The following MIS18BP1 variants were observed in gnomAD, a reference collection of about 807,000 sequenced individuals.
The protein encoded by MIS18BP1 is mis18-binding protein 1.
A neutral mutation model predicts 116.1 loss-of-function variants in MIS18BP1; 72 were observed. The ratio of observed to expected loss-of-function variants is 0.62; its 90% confidence interval spans 0.51 to 0.75. MIS18BP1 has a LOEUF of 0.75. Ranked by LOEUF, MIS18BP1 falls within the 30% of genes least tolerant of loss-of-function variation. The pLI is 0.00. For synonymous variants in MIS18BP1, 386 were observed against 427.0 expected (o/e 0.90, Z 1.18); for missense variants, 1,363 against 1,303.2 (o/e 1.05, Z -0.71).
rs780140735 is a variant in MIS18BP1 at position 45,224,719 on chromosome 14, A to G, written c.1868T>C (p.Ile623Thr). ...CTGTTCCCTTGAGGTTAGAATATCA[A>G]TGGATACATCCAATTCTTCAGTTGT... ...QETTEELDVS[I>T]DILTSREQFF... The change falls in exon 11 of 17, where the codon ATT (isoleucine) becomes ACT (threonine). Residue 623 changes from isoleucine to threonine, a missense_variant. Ile to Thr is a moderately conservative substitution (Grantham distance 89, BLOSUM62 -1). Coordinates refer to ENST00000310806, the MANE Select transcript of MIS18BP1 (RefSeq NM_018353.5). 7.5e-6 allele frequency: 12 copies of G among 1,593,292 alleles called. No individual in the cohort carries two copies. In the Admixed American group the frequency reaches 1.1e-4, roughly 15 times the overall value.
chr14:45,223,100 A>AC (rs1891018591), intron 11 of MIS18BP1, among the ~76,000 whole-genome samples: 1 of 152,032 alleles, frequency 6.6e-6, no homozygotes, highest in Non-Finnish European at 1.5e-5. Context: ...ACAAAACAAA[A>AC]ACAAACCAAA....
chr14:45,245,457 C>T (rs1218549067), intron 2 of MIS18BP1, among the ~76,000 whole-genome samples: 3 of 151,988 alleles, frequency 2.0e-5, no homozygotes, highest in Non-Finnish European at 4.4e-5. Flanking sequence ...CTCTGCCTCC[C>T]GGGTTCAAGC....
chr14:45,206,808 G>A (rs1890531403), intron 14 of MIS18BP1, among the ~76,000 whole-genome samples: 1 of 152,070 alleles, frequency 6.6e-6, no homozygotes, highest in African/African-American at 2.4e-5. Context: ...CTCCCACTGA[G>A]ACTTCTTCTC....
At position 45,209,181 on chromosome 14, in the gene MIS18BP1, C is replaced by T. The variant is rs539767047; in HGVS notation, c.3152+1199G>A. Among the ~76,000 whole-genome samples, 3 of 152,212 alleles carry T rather than the reference C, an allele frequency of 2.0e-5. No homozygotes were observed. In the South Asian group the frequency reaches 6.2e-4, roughly 32 times the overall value. On this transcript the variant is annotated intron_variant, in intron 14 of 16. Coordinates refer to ENST00000310806, the MANE Select transcript of MIS18BP1 (RefSeq NM_018353.5). ...TCTAATAAAAGCAATTATACACACA[C>T]ACACACACACAAGTATATACATATA...
chr14:45,245,296 A>G (rs1247774818), intron 2 of MIS18BP1, among the ~76,000 whole-genome samples: 4 of 151,940 alleles, frequency 2.6e-5, no homozygotes, highest in Non-Finnish European at 5.9e-5. Context: ...CTTGGCTTTC[A>G]CAGTATCACT....
At chr14:45,214,663 A>G (rs1474784288) in intron 13 of MIS18BP1, among the ~76,000 whole-genome samples, 2 of 152,202 alleles carry the variant, frequency 1.3e-5, no homozygotes, top group Non-Finnish European at 2.9e-5. Context: ...AAATGCCCAC[A>G]GGTGTGGAGG....
At chr14:45,225,896 T>C (rs1255589484) in intron 10 of MIS18BP1, among the ~76,000 whole-genome samples, 1 of 152,146 alleles carries the variant, frequency 6.6e-6, no homozygotes, top group Non-Finnish European at 1.5e-5. Context: ...TGATAGATAA[T>C]ATTGAATGCT....
At chr14:45,204,257 A>T in intron 16 of MIS18BP1, 45 bp from the exon 17 acceptor site, 1 of 1,555,512 alleles carries the variant, frequency 6.4e-7, no homozygotes, top group Non-Finnish European at 8.7e-7. Flanking sequence ...TTCTAAAAGT[A>T]CTTTCAATAA....
chr14:45,226,571 T>G (rs1050916318), intron 10 of MIS18BP1, among the ~76,000 whole-genome samples, 172 bp downstream of exon 10: 1 of 152,228 alleles, frequency 6.6e-6, no homozygotes. Flanking sequence ...TTAAAAGGGC[T>G]ATTTTATTAT....
At chr14:45,235,740 T>A in intron 6 of MIS18BP1, 74 bp downstream of exon 6, 1 of 1,251,932 alleles carries the variant, frequency 8.0e-7, no homozygotes, top group South Asian at 2.0e-5. Flanking sequence ...GTTAAAAAAA[T>A]GTGTATTACT....
At chr14:45,232,864 A>G in intron 6 of MIS18BP1, 44 bp from the exon 7 acceptor site, 1 of 905,280 alleles carries the variant, frequency 1.1e-6, no homozygotes, top group Non-Finnish European at 1.7e-6. Flanking sequence ...AAAAGCCTAG[A>G]ATTTTAAACA....
At chr14:45,235,657 GA>G (rs200315368) in intron 6 of MIS18BP1, among the ~76,000 whole-genome samples, 156 bp downstream of exon 6, 2 of 146,490 alleles carry the variant, frequency 1.4e-5, no homozygotes, top group Non-Finnish European at 1.5e-5. Context: ...ATAAAAATCA[GA>G]AAAAAAATTA....
chr14:45,249,535 C>T (rs1043723943), intron 1 of MIS18BP1, among the ~76,000 whole-genome samples: 4 of 152,038 alleles, frequency 2.6e-5, no homozygotes, highest in African/African-American at 7.2e-5. Context: ...CTGTTCATTT[C>T]AAAGAAAGGC....
Position 45,247,093 on chromosome 14 carries a change from T to A in MIS18BP1, c.194A>T (p.Lys65Ile). ...LNDHKKNQFLKMTTFNNKNIF... is the reference protein window; with the variant it reads ...LNDHKKNQFLIMTTFNNKNIF... ...ATTTTTATTGTTAAAAGTTGTCATTTTTAGGAACTGATTCTTTTTATGGTC... is the reference window on the plus strand; with the variant it reads ...ATTTTTATTGTTAAAAGTTGTCATTATTAGGAACTGATTCTTTTTATGGTC... Residue 65 changes from lysine to isoleucine, a missense_variant, in exon 2 of 17, where the codon AAA becomes ATA. Coordinates refer to ENST00000310806, the MANE Select transcript of MIS18BP1 (RefSeq NM_018353.5). The A allele has an allele frequency of 6.2e-7, 1 of 1,612,292 alleles. No individual in the cohort carries two copies. Among genetic ancestry groups the A allele is most frequent in the Non-Finnish European group, 8.5e-7 (1 of 1,179,732 alleles).
At chr14:45,222,749 C>T (rs1160110868) in intron 11 of MIS18BP1, among the ~76,000 whole-genome samples, 3 of 152,180 alleles carry the variant, frequency 2.0e-5, no homozygotes, top group Non-Finnish European at 4.4e-5. Context: ...TATGGGGTTG[C>T]TTTTCCTACT....
chr14:45,242,531 C>T lies in MIS18BP1; in HGVS notation c.659-13G>A, dbSNP rs752295882. ...AGAGTTGGAAGTTCTGCAAAAAATA[C>T]AAAACAAAACAAAACAAAACAATTA... On this transcript the variant is annotated splice_polypyrimidine_tract_variant and intron_variant, in intron 3 of 16. Coordinates refer to ENST00000310806, the MANE Select transcript of MIS18BP1 (RefSeq NM_018353.5). 3 of 1,542,924 alleles carry T rather than the reference C, an allele frequency of 1.9e-6. No individual in the cohort carries two copies. Among genetic ancestry groups the T allele is most frequent in the South Asian group, 1.3e-5 (1 of 79,206 alleles).
At position 45,218,319 on chromosome 14, in the gene MIS18BP1, G is replaced by A. The variant is rs1350907596; in HGVS notation, c.2805C>T (p.Val935=). The change falls in exon 12 of 17, where the codon GTC becomes GTT. Residue 935 remains valine, a synonymous_variant. Coordinates refer to ENST00000310806, the MANE Select transcript of MIS18BP1 (RefSeq NM_018353.5). Reference sequence around the variant, plus strand: ...TGGAATTGGCTGGCTTCTTCTTAGTGACATGTTTCTGGGATCCTTTTCCTC... The same window carrying A: ...TGGAATTGGCTGGCTTCTTCTTAGTAACATGTTTCTGGGATCCTTTTCCTC... The part of the protein sequence containing the change: ...NPRGKGSQKH[V]TKKKPANSKG... 1 of 1,613,874 alleles carries A rather than the reference G, an allele frequency of 6.2e-7. No individual in the cohort carries two copies. The highest frequency in any genetic ancestry group is 8.5e-7 in the Non-Finnish European group (1 of 1,179,988).
chr14:45,245,071 A>G, intron 2 of MIS18BP1, among the ~76,000 whole-genome samples: 1 of 152,194 alleles, frequency 6.6e-6, no homozygotes, highest in South Asian at 2.1e-4. Flanking sequence ...CCTCAAAAAG[A>G]GCTGTCTATG....
chr14:45,227,997 T>G (rs1294405978), intron 8 of MIS18BP1, among the ~76,000 whole-genome samples, 183 bp from the exon 9 acceptor site: 1 of 152,016 alleles, frequency 6.6e-6, no homozygotes, highest in African/African-American at 2.4e-5. Context: ...GGCAAAATAG[T>G]GATACACTGA....
Sources: allele counts gnomAD v4.1 joint callset (sites outside exome capture counted in the v4.1 genomes callset), GRCh38; gene constraint gnomAD v4.1.1; transcripts MANE v1.5; gene names NCBI Gene and HGNC (gene_info 2026-07-23, HGNC 2026-07-21).